The following RALYL variants were observed in gnomAD, a reference collection of about 807,000 sequenced individuals.
RALYL encodes RNA-binding Raly-like protein.
A neutral mutation model predicts 35.1 loss-of-function variants in RALYL; 29 were observed. The ratio of observed to expected loss-of-function variants is 0.83; its 90% CI spans 0.61 to 1.13. The LOEUF is 1.13. Among genes scored for constraint, RALYL ranks in the 50% most tolerant of loss-of-function variants. The probability of loss-of-function intolerance (pLI) is 0.00; values close to 1 mark genes in which losing one functional copy is unlikely to be tolerated. For missense variants in RALYL, 359 were observed against 360.4 expected (o/e 1.00, Z 0.03); for synonymous variants, 120 against 127.6 (o/e 0.94, Z 0.40).
At chr8:84,732,672 A>ATATATATATATATGTG in intron 2 of RALYL, among the ~76,000 whole-genome samples, 3 of 138,212 alleles carry the variant, frequency 2.2e-5, no homozygotes, top group African/African-American at 8.6e-5. Flanking sequence ...AAATAATTAT[A>ATATATATATATATGTG]TATATATATA....
chr8:84,198,911 T>A (rs1196548266), intron 1 of RALYL, among the ~76,000 whole-genome samples: 4 of 152,204 alleles, frequency 2.6e-5, no homozygotes, highest in African/African-American at 9.6e-5. Flanking sequence ...ATGGACACTT[T>A]GGTTGCTTCC....
At chr8:84,429,598 C>T (rs191408057) in intron 1 of RALYL, among the ~76,000 whole-genome samples, 4 of 151,994 alleles carry the variant, frequency 2.6e-5, no homozygotes, top group East Asian at 3.9e-4. Flanking sequence ...TTTATTTCTG[C>T]GGTGGTTGAC....
chr8:84,587,171 T>C (rs779111414), intron 2 of RALYL, among the ~76,000 whole-genome samples: 21 of 152,178 alleles, frequency 1.4e-4, no homozygotes, highest in Non-Finnish European at 2.5e-4. Flanking sequence ...AAAACTGAGA[T>C]ACAAACTTTT....
At chr8:84,823,699 CCTT>C (rs1302424063) in intron 4 of RALYL, among the ~76,000 whole-genome samples, 3 of 152,130 alleles carry the variant, frequency 2.0e-5, no homozygotes, top group East Asian at 1.9e-4. Flanking sequence ...CTCTCACTCT[CCTT>C]CTTTTCTTCT....
intron 3 of RALYL, among the ~76,000 whole-genome samples, chr8:84,789,558 G>C (rs1820319702): frequency 6.6e-6 from 1 of 151,878 alleles, no homozygotes; most frequent in Non-Finnish European, 1.5e-5. Context: ...AACATTATAT[G>C]ATCTCATTGA....
chr8:84,580,521 G>C (rs1199263557), intron 2 of RALYL, among the ~76,000 whole-genome samples: 1 of 152,120 alleles, frequency 6.6e-6, no homozygotes, highest in Non-Finnish European at 1.5e-5. Context: ...AATACAGCAA[G>C]AAGTCATTCA....
intron 1 of RALYL, among the ~76,000 whole-genome samples, chr8:84,402,947 C>G (rs2043066561): frequency 6.6e-6 from 1 of 152,156 alleles, no homozygotes; most frequent in Non-Finnish European, 1.5e-5. Flanking sequence ...CTTTTGGCTG[C>G]ATAAATGTCT....
At chr8:84,547,578 A>G (rs2060448622) in intron 2 of RALYL, among the ~76,000 whole-genome samples, 2 of 152,126 alleles carry the variant, frequency 1.3e-5, no homozygotes, top group African/African-American at 4.8e-5. Context: ...ACAGGGTTTC[A>G]TCATGTTGGC....
At chr8:84,871,755 A>G (rs188480109) in intron 6 of RALYL, among the ~76,000 whole-genome samples, 2 of 152,294 alleles carry the variant, frequency 1.3e-5, no homozygotes, top group African/African-American at 2.4e-5. Flanking sequence ...CATTGTAAAT[A>G]AAAGTCTGCT....
chr8:84,360,718 T>C (rs181612700), intron 1 of RALYL, among the ~76,000 whole-genome samples: 2 of 152,242 alleles, frequency 1.3e-5, no homozygotes, highest in East Asian at 1.9e-4. Context: ...TCCTTAAAAA[T>C]AGAATACATT....
chr8:84,718,804 A>C (rs1474130544), intron 2 of RALYL, among the ~76,000 whole-genome samples: 1 of 152,048 alleles, frequency 6.6e-6, no homozygotes, highest in Non-Finnish European at 1.5e-5. Flanking sequence ...TAAACGTCTA[A>C]TTTTATGACT....
chr8:84,501,843 T>A (rs2056696502), intron 1 of RALYL, among the ~76,000 whole-genome samples: 1 of 150,088 alleles, frequency 6.7e-6, no homozygotes, highest in Non-Finnish European at 1.5e-5. Context: ...ATAATATAGA[T>A]CCTAAGCCTA....
intron 2 of RALYL, among the ~76,000 whole-genome samples, chr8:84,672,033 G>A (rs545015470): frequency 2.0e-5 from 3 of 152,128 alleles, no homozygotes; most frequent in Non-Finnish European, 4.4e-5. Context: ...CCATATCTTT[G>A]TGAATGAATA....
intron 3 of RALYL, among the ~76,000 whole-genome samples, chr8:84,804,430 T>C (rs1201627524): frequency 6.6e-6 from 1 of 152,176 alleles, no homozygotes; most frequent in Non-Finnish European, 1.5e-5. Context: ...CAAATAGATA[T>C]ATAGAAACGT....
intron 2 of RALYL, among the ~76,000 whole-genome samples, chr8:84,705,565 CA>C (rs1841053324): frequency 6.6e-6 from 1 of 152,116 alleles, no homozygotes; most frequent in Admixed American, 6.5e-5. Context: ...AAGAATTTAG[CA>C]GAGTTTCAAA....
At chr8:84,750,956 C>T (rs975618108) in intron 2 of RALYL, among the ~76,000 whole-genome samples, 9 of 152,048 alleles carry the variant, frequency 5.9e-5, no homozygotes, top group African/African-American at 2.2e-4. Context: ...TCTTTTTCTT[C>T]CCTGCATTTA....
At chr8:84,720,446 G>A (rs900284273) in intron 2 of RALYL, among the ~76,000 whole-genome samples, 1 of 152,014 alleles carries the variant, frequency 6.6e-6, no homozygotes, top group East Asian at 1.9e-4. Flanking sequence ...AGCTGAATAT[G>A]TACATTTAGA....
At chr8:84,750,032 C>T (rs2133190901) in intron 2 of RALYL, among the ~76,000 whole-genome samples, 1 of 152,242 alleles carries the variant, frequency 6.6e-6, no homozygotes, top group South Asian at 2.1e-4. Flanking sequence ...AACCTAGCTG[C>T]TCCAGCCAGT....
intron 4 of RALYL, among the ~76,000 whole-genome samples, chr8:84,809,029 C>CT (rs1825314838): frequency 6.6e-6 from 1 of 152,136 alleles, no homozygotes. Flanking sequence ...CTGGCTAGGA[C>CT]TTCCAGTGCT....
Sources: allele counts gnomAD v4.1 joint callset (sites outside exome capture counted in the v4.1 genomes callset), GRCh38; gene constraint gnomAD v4.1.1; transcripts MANE v1.5; gene names NCBI Gene and HGNC (gene_info 2026-07-23, HGNC 2026-07-21).